Variants in STXBP5L observed in about 807,000 individuals in gnomAD.
STXBP5L encodes syntaxin-binding protein 5-like.
In STXBP5L, 65 loss-of-function variants were observed where a neutral mutation model predicts 144.5. The observed-to-expected ratio is 0.45, with a 90% CI of 0.37 to 0.55. STXBP5L has a LOEUF of 0.55. STXBP5L is among the 20% of genes least tolerant of loss of function. STXBP5L has a pLI of 0.00. For missense variants in STXBP5L, 1,298 were observed against 1,405.5 expected (o/e 0.92, Z 1.22); for synonymous variants, 505 against 469.6 (o/e 1.08, Z -0.97).
chr3:121,406,692 G>A (rs893808024), intron 22 of STXBP5L, among the ~76,000 whole-genome samples: 10 of 151,878 alleles, frequency 6.6e-5, no homozygotes, highest in Non-Finnish European at 1.2e-4. Context: ...AATTGCCACC[G>A]TGAATTCCAG....
At chr3:121,247,652 C>T (rs557067910) in intron 14 of STXBP5L, among the ~76,000 whole-genome samples, 2 of 152,294 alleles carry the variant, frequency 1.3e-5, no homozygotes, top group African/African-American at 4.8e-5. Flanking sequence ...GACATGATTT[C>T]ACTCTTTTTT....
At chr3:120,955,132 T>C (rs1937880573) in intron 3 of STXBP5L, 95 bp downstream of exon 3, 1 of 875,746 alleles carries the variant, frequency 1.1e-6, no homozygotes, top group Non-Finnish European at 1.7e-6. Flanking sequence ...CCAAATAAAG[T>C]TTATTATTTT....
chr3:121,103,094 C>A (rs2043510809), intron 5 of STXBP5L, among the ~76,000 whole-genome samples: 1 of 152,110 alleles, frequency 6.6e-6, no homozygotes, highest in Non-Finnish European at 1.5e-5. Context: ...TGTTTGTACA[C>A]CTTTGGTGGG....
In STXBP5L at chr3:121,282,417, T is replaced by C; in HGVS notation, c.2110+2461T>C. Reference sequence around the variant, plus strand: ...AAATCCATACATCAGTGCTCAGTAATGTGTTTCTTAAAACACATTCAGCAT... The same window carrying C: ...AAATCCATACATCAGTGCTCAGTAACGTGTTTCTTAAAACACATTCAGCAT... On this transcript the variant is annotated intron_variant, in intron 19 of 26. Transcript: ENST00000471454. 2.1e-6 allele frequency: 3 copies of C among 1,395,902 alleles called. No individual in the cohort carries two copies. In the South Asian group the frequency reaches 3.8e-5, roughly 18 times the overall value. The allele number at this position is 1,395,902 out of a possible 1,614,324, so 86.5% of individuals were successfully genotyped here. A position where few individuals can be genotyped will look rare whatever the true frequency, so the allele number is the denominator to read the frequency against.
At chr3:121,368,671 G>T (rs886686832) in intron 20 of STXBP5L, among the ~76,000 whole-genome samples, 5 of 151,898 alleles carry the variant, frequency 3.3e-5, no homozygotes, top group Non-Finnish European at 7.4e-5. Context: ...TTATTAATTT[G>T]CTTTATAGTT....
chr3:120,994,235 A>G (rs1021028894), intron 3 of STXBP5L, among the ~76,000 whole-genome samples: 2 of 152,078 alleles, frequency 1.3e-5, no homozygotes, highest in Non-Finnish European at 2.9e-5. Flanking sequence ...ATTTCTGCAA[A>G]GGGACAGTTT....
At chr3:121,155,106 A>T (rs558150279) in intron 8 of STXBP5L, among the ~76,000 whole-genome samples, 1 of 151,848 alleles carries the variant, frequency 6.6e-6, no homozygotes, top group Non-Finnish European at 1.5e-5. Context: ...TTTAAAACAG[A>T]TTATGGAATT....
chr3:121,069,603 C>T (rs969851328), intron 5 of STXBP5L, among the ~76,000 whole-genome samples: 10 of 151,716 alleles, frequency 6.6e-5, no homozygotes, highest in Non-Finnish European at 1.3e-4. Flanking sequence ...TATATTTCTA[C>T]CAGAAATATG....
chr3:121,417,449 G>A (rs1262088688), intron 25 of STXBP5L, among the ~76,000 whole-genome samples: 1 of 150,246 alleles, frequency 6.7e-6, no homozygotes, highest in African/African-American at 2.5e-5. Context: ...CAAAATAGCT[G>A]TTTTTTTTTC....
intron 3 of STXBP5L, among the ~76,000 whole-genome samples, chr3:120,981,720 A>T (rs1187364528): frequency 6.6e-6 from 1 of 152,208 alleles, no homozygotes; most frequent in Non-Finnish European, 1.5e-5. Context: ...AGCTGATGTG[A>T]TCCTTTGCAG....
chr3:121,321,809 A>G (rs925065278), intron 20 of STXBP5L, among the ~76,000 whole-genome samples: 2 of 152,204 alleles, frequency 1.3e-5, no homozygotes, highest in African/African-American at 4.8e-5. Context: ...CAAACCAGAA[A>G]CCAGTAATCA....
At chr3:121,137,776 C>T (rs1017257142) in intron 7 of STXBP5L, among the ~76,000 whole-genome samples, 1 of 152,032 alleles carries the variant, frequency 6.6e-6, no homozygotes, top group Non-Finnish European at 1.5e-5. Flanking sequence ...AAGGATTGTA[C>T]CTCAACCCAA....
chr3:121,229,117 G>A (rs542658937), intron 11 of STXBP5L, among the ~76,000 whole-genome samples: 1 of 152,044 alleles, frequency 6.6e-6, no homozygotes, highest in African/African-American at 2.4e-5. Context: ...GAGACACCCT[G>A]CCTCACTCTA....
chr3:121,055,093 C>T (rs1442460184), intron 5 of STXBP5L, among the ~76,000 whole-genome samples: 4 of 152,054 alleles, frequency 2.6e-5, no homozygotes, highest in South Asian at 2.1e-4. Context: ...AAGTTTTAAT[C>T]ACAGGAAGTT....
At chr3:121,093,533 C>A (rs1258996665) in intron 5 of STXBP5L, among the ~76,000 whole-genome samples, 1 of 152,316 alleles carries the variant, frequency 6.6e-6, no homozygotes, top group Non-Finnish European at 1.5e-5. Flanking sequence ...TTATCCATTT[C>A]TTCTAGATTT....
At chr3:121,165,446 GATTC>G (rs2046465399) in intron 9 of STXBP5L, among the ~76,000 whole-genome samples, 1 of 152,044 alleles carries the variant, frequency 6.6e-6, no homozygotes, top group Admixed American at 6.5e-5. Context: ...CTTTTGTGGT[GATTC>G]ATCCTTTCTG....
chr3:121,355,986 C>T (rs987965163), intron 20 of STXBP5L, among the ~76,000 whole-genome samples: 13 of 152,320 alleles, frequency 8.5e-5, no homozygotes, highest in East Asian at 5.8e-4. Context: ...GAGGCCCACT[C>T]GAGACCCTGT....
intron 10 of STXBP5L, among the ~76,000 whole-genome samples, chr3:121,212,306 T>C (rs766389121): frequency 1.3e-5 from 2 of 152,212 alleles, no homozygotes; most frequent in Non-Finnish European, 2.9e-5. Flanking sequence ...ACATCCTGAA[T>C]GATATTGCCT....
chr3:121,159,481 A>C (rs1045261812), intron 9 of STXBP5L, among the ~76,000 whole-genome samples: 3 of 152,098 alleles, frequency 2.0e-5, no homozygotes, highest in African/African-American at 4.8e-5. Context: ...TCAATTTCTA[A>C]GCATGTTTTT....
Sources: gnomAD v4.1 joint callset for allele counts (sites outside exome capture counted in the v4.1 genomes callset) on GRCh38, gnomAD v4.1.1 for gene constraint, MANE v1.5 for transcripts, NCBI Gene and HGNC (gene_info 2026-07-23, HGNC 2026-07-21) for gene names.